The following SLIT3 variants were observed in gnomAD, a reference collection of about 807,000 sequenced individuals.
The protein encoded by SLIT3 is slit homolog 3 protein.
A neutral mutation model predicts 184.0 loss-of-function variants in SLIT3; 68 were observed. The observed-to-expected ratio is 0.37, with a 90% CI of 0.30 to 0.45. SLIT3 has a LOEUF of 0.45. Among genes scored for constraint, SLIT3 ranks in the 20% least tolerant of loss-of-function variants. SLIT3 has a pLI of 1.00. For synonymous variants in SLIT3, 831 were observed against 828.6 expected, an observed-to-expected ratio of 1.00 and a Z score of -0.05; for missense variants, 1,707 against 2,026.0, an observed-to-expected ratio of 0.84 and a Z score of 3.02.
intron 4 of SLIT3, among the ~76,000 whole-genome samples, chr5:168,896,109 C>T (rs1179135508): frequency 6.6e-6 from 1 of 152,192 alleles, no homozygotes; most frequent in East Asian, 1.9e-4. Flanking sequence ...CCAAGCCATA[C>T]TTTTCTTGGT....
chr5:169,071,490 G>A (rs993695316), intron 4 of SLIT3, among the ~76,000 whole-genome samples: 1 of 152,132 alleles, frequency 6.6e-6, no homozygotes, highest in African/African-American at 2.4e-5. Context: ...TGTGGTGGAG[G>A]GCACCCAGAG....
intron 4 of SLIT3, among the ~76,000 whole-genome samples, chr5:168,912,799 C>A (rs1410321453): frequency 6.6e-6 from 1 of 152,114 alleles, no homozygotes; most frequent in Non-Finnish European, 1.5e-5. Flanking sequence ...CCCCACATCA[C>A]CATCCTCAAA....
At chr5:169,137,027 C>G (rs764598698) in intron 4 of SLIT3, among the ~76,000 whole-genome samples, 2 of 152,088 alleles carry the variant, frequency 1.3e-5, no homozygotes. Context: ...TGGCCAGTTT[C>G]TTTGTCTCTT....
chr5:168,906,634 T>A (rs1761061949), intron 4 of SLIT3, among the ~76,000 whole-genome samples: 1 of 152,162 alleles, frequency 6.6e-6, no homozygotes, highest in South Asian at 2.1e-4. Context: ...TTAGTGGGAA[T>A]CTTCTATATA....
chr5:168,747,578 A>C (rs1754527142), intron 20 of SLIT3, among the ~76,000 whole-genome samples: 1 of 152,104 alleles, frequency 6.6e-6, no homozygotes. Context: ...AGGCCCCCTC[A>C]CTGGGGGACC....
chr5:168,675,555 A>C (rs1159391313), intron 32 of SLIT3, among the ~76,000 whole-genome samples: 1 of 152,138 alleles, frequency 6.6e-6, no homozygotes, highest in Non-Finnish European at 1.5e-5. Context: ...AAAATAAGAG[A>C]GGGTACGTGA....
chr5:168,876,280 T>C (rs73310258), intron 5 of SLIT3, among the ~76,000 whole-genome samples: 140 of 152,226 alleles, frequency 9.2e-4, no homozygotes, highest in African/African-American at 3.3e-3. Flanking sequence ...CCCACACAGC[T>C]TCAGTCTCTG....
intron 4 of SLIT3, among the ~76,000 whole-genome samples, chr5:169,057,076 A>G (rs1184664926): frequency 6.6e-6 from 1 of 152,248 alleles, no homozygotes. Context: ...GTGGTAAGCA[A>G]GATCTTCCAT....
At chr5:169,069,283 A>T (rs1406308921) in intron 4 of SLIT3, among the ~76,000 whole-genome samples, 2 of 152,210 alleles carry the variant, frequency 1.3e-5, no homozygotes, top group African/African-American at 2.4e-5. Flanking sequence ...ACCACCTTCC[A>T]GGTGCTCCCA....
chr5:169,163,334 G>A (rs978023717), intron 4 of SLIT3, among the ~76,000 whole-genome samples: 1 of 152,144 alleles, frequency 6.6e-6, no homozygotes, highest in African/African-American at 2.4e-5. Context: ...ATGAAAAGGT[G>A]TGCCAGGCTG....
chr5:169,126,242 C>T (rs565719286), intron 4 of SLIT3, among the ~76,000 whole-genome samples: 5 of 151,954 alleles, frequency 3.3e-5, no homozygotes, highest in Non-Finnish European at 5.9e-5. Context: ...TATTTATGTT[C>T]TGAAGTGACA....
chr5:168,856,059 A>G (rs1210687150), intron 5 of SLIT3, among the ~76,000 whole-genome samples: 4 of 152,210 alleles, frequency 2.6e-5, no homozygotes, highest in African/African-American at 7.2e-5. Flanking sequence ...CAGTTAGCCA[A>G]GATCGTGCCA....
At chr5:169,200,256 C>T (rs1359471936) in intron 3 of SLIT3, among the ~76,000 whole-genome samples, 2 of 152,194 alleles carry the variant, frequency 1.3e-5, no homozygotes, top group African/African-American at 4.8e-5. Flanking sequence ...TGTCAGCTGC[C>T]CAATCAGGCC....
At chr5:168,858,605 G>A (rs1758989203) in intron 5 of SLIT3, among the ~76,000 whole-genome samples, 1 of 152,208 alleles carries the variant, frequency 6.6e-6, no homozygotes, top group South Asian at 2.1e-4. Flanking sequence ...TTACGCGTTG[G>A]GCTCCCAGCA....
rs775508341 is a variant in SLIT3, at chr5:169,248,744, T to C, written c.269+2644A>G. On this transcript the variant is annotated intron_variant, in intron 2 of 35. Coordinates refer to ENST00000519560, the MANE Select transcript of SLIT3 (RefSeq NM_003062.4). ...ATTTGGGATAAAGCTGGCTCCCACA[T>C]TGTGAGCATAGCAGAGCCCTTAGAC... Among the ~76,000 whole-genome samples the C allele has an allele frequency of 5.7e-4, 87 of 152,174 alleles. 1 individual carries two copies. The highest frequency in any genetic ancestry group is 1.2e-3 in the Non-Finnish European group (80 of 68,024).
intron 3 of SLIT3, among the ~76,000 whole-genome samples, chr5:169,239,152 T>G (rs1765305614): frequency 1.3e-5 from 2 of 152,170 alleles, no homozygotes; most frequent in African/African-American, 4.8e-5. Context: ...GAGGTGAAAT[T>G]TCCACTATTA....
intron 32 of SLIT3, 121 bp downstream of exon 32, chr5:168,683,845 G>T: frequency 1.1e-6 from 1 of 896,776 alleles, no homozygotes; most frequent in Non-Finnish European, 1.6e-6. Context: ...GCACATGTGC[G>T]TGGTAGGGGC....
intron 1 of SLIT3, among the ~76,000 whole-genome samples, chr5:169,283,365 A>G (rs1472412294): frequency 6.6e-6 from 1 of 152,178 alleles, no homozygotes; most frequent in Non-Finnish European, 1.5e-5. Context: ...TATGCTTTTG[A>G]AAGTGCTTAG....
intron 20 of SLIT3, among the ~76,000 whole-genome samples, chr5:168,727,230 G>T (rs1295082012): frequency 6.6e-6 from 1 of 152,112 alleles, no homozygotes; most frequent in Non-Finnish European, 1.5e-5. Context: ...TGAGGCAGGA[G>T]AATCATTTGA....
Sources: gnomAD v4.1 joint callset for allele counts (sites outside exome capture counted in the v4.1 genomes callset) on GRCh38, gnomAD v4.1.1 for gene constraint, MANE v1.5 for transcripts, NCBI Gene and HGNC (gene_info 2026-07-23, HGNC 2026-07-21) for gene names.